Variants in FRAS1 observed in about 807,000 individuals in gnomAD.
FRAS1 encodes the protein Fraser extracellular matrix complex subunit 1.
Under a neutral mutation model 435.2 loss-of-function variants are expected in FRAS1, and 290 were observed. That is an observed-to-expected ratio of 0.67 (90% CI 0.61 to 0.73). FRAS1 has a LOEUF of 0.73. FRAS1 is among the 30% of genes least tolerant of loss of function. FRAS1 has a pLI of 0.00. For missense variants in FRAS1, 4,860 were observed against 5,001.5 expected (o/e 0.97, Z 0.85); for synonymous variants, 1,800 against 1,851.0 (o/e 0.97, Z 0.71).
Position 78,451,028 on chromosome 4 carries a change from C to T in FRAS1, c.6463+689C>T, listed in dbSNP as rs114113400. Reference sequence around the variant, plus strand: ...ACACACTAACACCTAAAATTGACAACAGCTGAATTCTCATTGGAACTGGCT... The same window carrying T: ...ACACACTAACACCTAAAATTGACAATAGCTGAATTCTCATTGGAACTGGCT... On this transcript the variant is annotated intron_variant, in intron 45 of 73. Coordinates refer to ENST00000512123, the MANE Select transcript of FRAS1 (RefSeq NM_025074.7). Among the ~76,000 whole-genome samples, 539 of 152,226 alleles carry T rather than the reference C, an allele frequency of 3.5e-3. 6 individuals are homozygous for T. Among genetic ancestry groups the T allele is most frequent in the African/African-American group, 0.012 (507 of 41,494 alleles).
chr4:78,525,051 G>T (rs1389377691), intron 69 of FRAS1, among the ~76,000 whole-genome samples: 1 of 152,144 alleles, frequency 6.6e-6, no homozygotes, highest in Non-Finnish European at 1.5e-5. Context: ...CATATGGCTG[G>T]CATGGAGTGA....
At chr4:78,246,204 G>T (rs28672140) in intron 4 of FRAS1, among the ~76,000 whole-genome samples, 1 of 152,160 alleles carries the variant, frequency 6.6e-6, no homozygotes, top group African/African-American at 2.4e-5. Context: ...GGTTGAATAT[G>T]ATGGAAAGAG....
At chr4:78,404,309 C>G (rs1193375706) in intron 30 of FRAS1, among the ~76,000 whole-genome samples, 1 of 151,652 alleles carries the variant, frequency 6.6e-6, no homozygotes, top group African/African-American at 2.4e-5. Flanking sequence ...AGGAAATCCC[C>G]AGTAGAGATC....
intron 18 of FRAS1, among the ~76,000 whole-genome samples, chr4:78,329,521 C>A (rs867052749): frequency 2.0e-5 from 3 of 152,316 alleles, no homozygotes; most frequent in Non-Finnish European, 2.9e-5. Context: ...GATTGGCAAG[C>A]CAATTTCACC....
chr4:78,458,084 C>T (rs1221936889), intron 47 of FRAS1, among the ~76,000 whole-genome samples: 1 of 152,150 alleles, frequency 6.6e-6, no homozygotes, highest in Non-Finnish European at 1.5e-5. Context: ...AGGTAATGTC[C>T]TGGGCTTTGA....
In FRAS1 at chr4:78,255,394, G is replaced by A. The variant is rs142417947; in HGVS notation, c.603+19G>A. 1,715 of 1,579,026 alleles carry A rather than the reference G, an allele frequency of 1.1e-3. 20 individuals are homozygous for A. In the African/African-American group the frequency reaches 0.021, roughly 19 times the overall value. ...TAACCAGGTAAGGAAGACAACCTCAGCATGCAGCCTTCACGGGCTATTGAA... is the reference window on the plus strand; with the variant it reads ...TAACCAGGTAAGGAAGACAACCTCAACATGCAGCCTTCACGGGCTATTGAA... On this transcript the variant is annotated intron_variant, in intron 6 of 73. Coordinates refer to ENST00000512123, the MANE Select transcript of FRAS1 (RefSeq NM_025074.7).
chr4:78,104,527 A>G (rs10518187), intron 2 of FRAS1, among the ~76,000 whole-genome samples: 17,130 of 152,220 alleles, frequency 0.11, 1,441 homozygotes, highest in African/African-American at 0.23. Flanking sequence ...GTCTGATCTC[A>G]CTAGCAAGAT....
intron 40 of FRAS1, among the ~76,000 whole-genome samples, chr4:78,440,772 C>T (rs895157817): frequency 6.6e-5 from 10 of 152,180 alleles, no homozygotes; most frequent in African/African-American, 2.4e-4. Context: ...CTCACAGTAT[C>T]CGCAGGAGAA....
chr4:78,061,157 A>G (rs1739743944), intron 1 of FRAS1, among the ~76,000 whole-genome samples: 1 of 152,320 alleles, frequency 6.6e-6, no homozygotes, highest in South Asian at 2.1e-4. Flanking sequence ...TCTAAATTTT[A>G]TCAAAAGAAA....
intron 47 of FRAS1, among the ~76,000 whole-genome samples, chr4:78,459,541 A>G (rs77800562): frequency 0.022 from 3,281 of 152,278 alleles, 119 homozygotes; most frequent in African/African-American, 0.075. Context: ...GTGTTATTTC[A>G]TTTCCTCTTT....
chr4:78,110,288 G>A (rs1430874920), intron 2 of FRAS1, among the ~76,000 whole-genome samples: 18 of 117,420 alleles, frequency 1.5e-4, no homozygotes, highest in South Asian at 1.1e-3. Flanking sequence ...AGCCCGCATC[G>A]CCAAGTCAAT....
chr4:78,218,301 C>T (rs2110093503), intron 2 of FRAS1, among the ~76,000 whole-genome samples: 1 of 151,520 alleles, frequency 6.6e-6, no homozygotes, highest in Admixed American at 6.6e-5. Flanking sequence ...GCACACTAGG[C>T]TACCCTAAAG....
chr4:78,307,122 CA>C (rs1402859824), intron 14 of FRAS1, among the ~76,000 whole-genome samples: 1 of 152,130 alleles, frequency 6.6e-6, no homozygotes, highest in African/African-American at 2.4e-5. Flanking sequence ...GAGTACCCGG[CA>C]CTGTGAGGTG....
At chr4:78,125,460 G>A (rs758677749) in intron 2 of FRAS1, among the ~76,000 whole-genome samples, 12 of 152,260 alleles carry the variant, frequency 7.9e-5, no homozygotes, top group East Asian at 3.9e-4. Flanking sequence ...AAGAATGTAT[G>A]TTCTGTTGAT....
intron 2 of FRAS1, among the ~76,000 whole-genome samples, chr4:78,211,330 T>C (rs780036160): frequency 7.9e-5 from 12 of 152,214 alleles, no homozygotes; most frequent in Non-Finnish European, 1.6e-4. Flanking sequence ...AGAAATGCCA[T>C]CTTTCGATGT....
chr4:78,397,454 C>A (rs1392951733), intron 29 of FRAS1, among the ~76,000 whole-genome samples: 1 of 152,170 alleles, frequency 6.6e-6, no homozygotes, highest in Non-Finnish European at 1.5e-5. Context: ...TTGCTGTCTG[C>A]ATGGGCTCAT....
At chr4:78,244,261 C>T (rs1192016554) in intron 3 of FRAS1, among the ~76,000 whole-genome samples, 1 of 151,992 alleles carries the variant, frequency 6.6e-6, no homozygotes, top group Non-Finnish European at 1.5e-5. Flanking sequence ...AACATTAACA[C>T]ACACGCACAC....
intron 2 of FRAS1, among the ~76,000 whole-genome samples, chr4:78,195,595 T>C (rs557866405): frequency 9.2e-5 from 14 of 152,332 alleles, no homozygotes; most frequent in African/African-American, 3.1e-4. Context: ...AATCTCCTGG[T>C]GTGCCATTTG....
At chr4:78,243,202 GTATATATCTATATGTATGCA>G (rs1725082724) in intron 3 of FRAS1, among the ~76,000 whole-genome samples, 1 of 151,806 alleles carries the variant, frequency 6.6e-6, no homozygotes, top group African/African-American at 2.4e-5. Flanking sequence ...ATATATATAT[GTATATATCTATATGTATGCA>G]TATATGTAGT....
Sources: allele counts gnomAD v4.1 joint callset (sites outside exome capture counted in the v4.1 genomes callset), GRCh38; gene constraint gnomAD v4.1.1; transcripts MANE v1.5; gene names NCBI Gene and HGNC (gene_info 2026-07-23, HGNC 2026-07-21).